The following SAMHD1 variants were observed in gnomAD, a reference collection of about 807,000 sequenced individuals.
The protein encoded by SAMHD1 is SAM and HD domain containing deoxynucleoside triphosphate triphosphohydrolase 1.
SAMHD1 carries 54 observed loss-of-function variants against 79.6 expected under a neutral mutation model. The ratio of observed to expected loss-of-function variants is 0.68; its 90% CI spans 0.55 to 0.85. SAMHD1 has a LOEUF of 0.85. SAMHD1 is among the 40% of genes least tolerant of loss of function. The pLI is 0.00. For missense variants in SAMHD1, 663 were observed against 782.7 expected (o/e 0.85, Z 1.82); for synonymous variants, 260 against 264.1 (o/e 0.98, Z 0.15).
chr20:36,927,273 T>C (rs776798580), intron 5 of SAMHD1, 21 bp from the exon 6 acceptor site: 1 of 1,599,966 alleles, frequency 6.3e-7, no homozygotes. Context: ...AAAGCAGCCT[T>C]AGAACAAGAA....
intron 1 of SAMHD1, among the ~76,000 whole-genome samples, chr20:36,949,327 A>T (rs1378179349): frequency 6.6e-6 from 1 of 151,508 alleles, no homozygotes; most frequent in Admixed American, 6.6e-5. Flanking sequence ...CAAGAACCAA[A>T]CAGAGGTTGG....
intron 15 of SAMHD1, chr20:36,893,853 C>T (rs1185930290): frequency 3.5e-5 from 14 of 398,510 alleles, no homozygotes; most frequent in East Asian, 2.1e-4. Flanking sequence ...GGAGCTACTC[C>T]GGTAAATTAC....
At chr20:36,936,074 G>A (rs1279474178) in intron 3 of SAMHD1, among the ~76,000 whole-genome samples, 1 of 151,852 alleles carries the variant, frequency 6.6e-6, no homozygotes, top group East Asian at 1.9e-4. Context: ...GCAACATAGT[G>A]AGACCCCATC....
rs984819867 is a variant in SAMHD1, at chr20:36,890,547, C to T, written c.*2385G>A. 2 of 151,972 alleles carry T rather than the reference C, an allele frequency of 1.3e-5. No homozygotes were observed. Among genetic ancestry groups the T allele is most frequent in the African/African-American group, 4.8e-5 (2 of 41,330 alleles). 9.4% of individuals were successfully genotyped at this position (151,972 alleles called of 1,614,324 possible). On this transcript the variant is annotated 3_prime_UTR_variant, in exon 16 of 16. Coordinates refer to ENST00000646673, the MANE Select transcript of SAMHD1 (RefSeq NM_015474.4). ...TGGCCTGATCTTGGCTCACTGCAAC[C>T]TCTGCCTCCCGGATTCAAGCGATTC...
chr20:36,908,689 A>G (rs1416073565), intron 11 of SAMHD1, among the ~76,000 whole-genome samples: 1 of 152,124 alleles, frequency 6.6e-6, no homozygotes, highest in Non-Finnish European at 1.5e-5. Flanking sequence ...AGAAATATCA[A>G]TCTGCAAGGG....
chr20:36,941,153 T>A, intron 2 of SAMHD1, 42 bp from the exon 3 acceptor site: 4 of 1,315,466 alleles, frequency 3.0e-6, no homozygotes, highest in Non-Finnish European at 3.3e-6. Flanking sequence ...ATTATTTGCT[T>A]AATAATAATC....
In SAMHD1 at chr20:36,915,329, C is replaced by A. The variant is rs8113979; in HGVS notation, c.1062+1393G>T. ...CTCCAGCCTGAGTAACACAGCAAGACCCTGTCTGGAAAGAAAACAAAAAAC... is the reference window on the plus strand; with the variant it reads ...CTCCAGCCTGAGTAACACAGCAAGAACCTGTCTGGAAAGAAAACAAAAAAC... On this transcript the variant is annotated intron_variant, in intron 9 of 15. Coordinates refer to ENST00000646673, the MANE Select transcript of SAMHD1 (RefSeq NM_015474.4). Among the ~76,000 whole-genome samples, 287 of 152,236 alleles carry A rather than the reference C, an allele frequency of 1.9e-3. 1 individual carries two copies. The highest frequency in any genetic ancestry group is 6.4e-3 in the African/African-American group (267 of 41,532).
chr20:36,909,585 C>A (rs149937761), intron 11 of SAMHD1, among the ~76,000 whole-genome samples: 2,934 of 149,056 alleles, frequency 0.02, 91 homozygotes, highest in African/African-American at 0.069. Flanking sequence ...GCAGGAGAAT[C>A]GCTTGAACTC....
chr20:36,916,300 A>G (rs2063474902), intron 9 of SAMHD1, among the ~76,000 whole-genome samples: 1 of 152,008 alleles, frequency 6.6e-6, no homozygotes, highest in South Asian at 2.1e-4. Flanking sequence ...TCACAGGGTT[A>G]TACGGAATGA....
At chr20:36,931,066 T>C (rs2063565358) in intron 4 of SAMHD1, 191 bp from the exon 5 acceptor site, 1 of 621,498 alleles carries the variant, frequency 1.6e-6, no homozygotes, top group Admixed American at 2.2e-5. Context: ...TCTGGCTCAA[T>C]ATCACCAATC....
intron 6 of SAMHD1, among the ~76,000 whole-genome samples, chr20:36,925,030 C>G (rs1279106775): frequency 6.6e-6 from 1 of 151,752 alleles, no homozygotes; most frequent in Non-Finnish European, 1.5e-5. Context: ...GTAGCACATG[C>G]CTGTAATCCC....
intron 3 of SAMHD1, among the ~76,000 whole-genome samples, chr20:36,937,011 G>A (rs1288367753): frequency 2.0e-5 from 3 of 151,810 alleles, no homozygotes; most frequent in Non-Finnish European, 4.4e-5. Flanking sequence ...CGTGGTGGTG[G>A]GCGTCTGTTA....
intron 5 of SAMHD1, among the ~76,000 whole-genome samples, chr20:36,929,491 T>C (rs1568776003): frequency 6.6e-6 from 1 of 152,114 alleles, no homozygotes; most frequent in South Asian, 2.1e-4. Flanking sequence ...TCCCAACACT[T>C]TGGGAGGCCA....
intron 4 of SAMHD1, among the ~76,000 whole-genome samples, chr20:36,932,225 G>A (rs541695065): frequency 2.6e-5 from 4 of 151,616 alleles, no homozygotes; most frequent in African/African-American, 9.7e-5. Flanking sequence ...TGCTTGGAAG[G>A]CTGTAATCCC....
At chr20:36,923,673 G>C (rs1428279075) in intron 6 of SAMHD1, among the ~76,000 whole-genome samples, 1 of 152,120 alleles carries the variant, frequency 6.6e-6, no homozygotes, top group African/African-American at 2.4e-5. Flanking sequence ...TAAATACCCA[G>C]GTGTGACGGT....
At chr20:36,893,330 T>C in intron 15 of SAMHD1, 1 of 532,568 alleles carries the variant, frequency 1.9e-6, no homozygotes. Context: ...ACTGCCCACC[T>C]CTATGGCCTC....
At chr20:36,931,179 T>C in intron 4 of SAMHD1, 2 of 388,126 alleles carry the variant, frequency 5.2e-6, no homozygotes, top group Non-Finnish European at 9.8e-6. Flanking sequence ...GTGTTGGACA[T>C]GATGTGAAGA....
In SAMHD1 at chr20:36,904,146, T is replaced by A; in HGVS notation, c.1503+11A>T. 3.2e-6 allele frequency: 5 copies of A among 1,566,140 alleles called. No homozygotes were observed. The highest frequency in any genetic ancestry group is 1.4e-5 in the African/African-American group (1 of 74,016). On this transcript the variant is annotated intron_variant, in intron 13 of 15. Transcript: ENST00000646673. ...GTATTCACTCAGTTTATTACTGGGC[T>A]AATTACTTACATCCACTATAAAATC...
chr20:36,917,600 G>T (rs1049371032), intron 7 of SAMHD1, among the ~76,000 whole-genome samples: 1 of 152,244 alleles, frequency 6.6e-6, no homozygotes, highest in South Asian at 2.1e-4. Context: ...GCAGTGACCT[G>T]AGGTTGTGCC....
Sources: gnomAD v4.1 joint callset for allele counts (sites outside exome capture counted in the v4.1 genomes callset) on GRCh38, gnomAD v4.1.1 for gene constraint, MANE v1.5 for transcripts, NCBI Gene and HGNC (gene_info 2026-07-23, HGNC 2026-07-21) for gene names.